Variants in SLC2A13 observed in about 807,000 individuals in gnomAD.
SLC2A13 encodes the protein proton myo-inositol cotransporter.
A neutral mutation model predicts 64.4 loss-of-function variants in SLC2A13; 32 were observed. The ratio of observed to expected loss-of-function variants is 0.50; its 90% CI spans 0.37 to 0.67. The LOEUF (loss-of-function observed/expected upper bound fraction) is 0.67. Ranked by LOEUF, SLC2A13 falls within the 30% of genes least tolerant of loss-of-function variation. The probability of loss-of-function intolerance (pLI) is 0.00; values close to 1 mark genes in which losing one functional copy is unlikely to be tolerated. For missense variants in SLC2A13, 743 were observed against 829.2 expected (o/e 0.90, Z 1.28); for synonymous variants, 338 against 327.1 (o/e 1.03, Z -0.36).
intron 3 of SLC2A13, among the ~76,000 whole-genome samples, chr12:40,027,965 A>C (rs1947843955): frequency 6.6e-6 from 1 of 152,222 alleles, no homozygotes; most frequent in Non-Finnish European, 1.5e-5. Flanking sequence ...TTTAATGGAA[A>C]GAGGGAAACA....
intron 7 of SLC2A13, among the ~76,000 whole-genome samples, chr12:39,802,749 A>G (rs1195908748): frequency 6.6e-6 from 1 of 152,208 alleles, no homozygotes; most frequent in Non-Finnish European, 1.5e-5. Context: ...AAAGATAGAT[A>G]TGAATATGTA....
chr12:40,081,175 C>A (rs1301323476), intron 1 of SLC2A13, among the ~76,000 whole-genome samples: 2 of 152,146 alleles, frequency 1.3e-5, no homozygotes, highest in Non-Finnish European at 2.9e-5. Flanking sequence ...TGATGACTAT[C>A]TATCTTCAAG....
At chr12:39,959,727 G>GA (rs1397717280) in intron 3 of SLC2A13, among the ~76,000 whole-genome samples, 1 of 151,940 alleles carries the variant, frequency 6.6e-6, no homozygotes, top group Non-Finnish European at 1.5e-5. Flanking sequence ...TGTTGCTGAG[G>GA]AAAAAATTAC....
intron 1 of SLC2A13, among the ~76,000 whole-genome samples, chr12:40,092,129 G>C (rs1272290064): frequency 6.6e-6 from 1 of 152,090 alleles, no homozygotes; most frequent in Non-Finnish European, 1.5e-5. Context: ...GTCTGTCTGG[G>C]GTGGCAAGAA....
At chr12:40,088,578 G>A (rs1042216913) in intron 1 of SLC2A13, among the ~76,000 whole-genome samples, 20 of 152,128 alleles carry the variant, frequency 1.3e-4, no homozygotes, top group Admixed American at 6.6e-5. Flanking sequence ...GAAAAGCTAG[G>A]GGTCTTGTCT....
chr12:39,896,494 A>G (rs1055110226), intron 4 of SLC2A13, among the ~76,000 whole-genome samples: 1 of 147,986 alleles, frequency 6.8e-6, no homozygotes, highest in Non-Finnish European at 1.5e-5. Context: ...ATATATGTAC[A>G]CATATATGTA....
chr12:39,971,617 C>A (rs774230395), intron 3 of SLC2A13, among the ~76,000 whole-genome samples: 4 of 152,032 alleles, frequency 2.6e-5, no homozygotes, highest in Admixed American at 6.6e-5. Flanking sequence ...CCTTCTGACA[C>A]ACTCTATAAC....
intron 4 of SLC2A13, among the ~76,000 whole-genome samples, chr12:39,900,964 C>T (rs1945082759): frequency 6.6e-6 from 1 of 152,142 alleles, no homozygotes; most frequent in South Asian, 2.1e-4. Flanking sequence ...GTAACCAAAA[C>T]AGCATGGTAC....
intron 6 of SLC2A13, among the ~76,000 whole-genome samples, chr12:39,837,963 C>G (rs983374501): frequency 2.0e-5 from 3 of 150,998 alleles, no homozygotes; most frequent in Non-Finnish European, 4.4e-5. Flanking sequence ...ACTAGAAATA[C>G]CATTTGACCC....
intron 4 of SLC2A13, among the ~76,000 whole-genome samples, chr12:39,932,626 A>G (rs1376089072): frequency 6.6e-6 from 1 of 152,202 alleles, no homozygotes; most frequent in East Asian, 1.9e-4. Flanking sequence ...TGACGGGAAA[A>G]AATGGATTGA....
intron 3 of SLC2A13, among the ~76,000 whole-genome samples, chr12:39,963,019 G>A (rs1946441880): frequency 6.6e-6 from 1 of 152,132 alleles, no homozygotes; most frequent in Non-Finnish European, 1.5e-5. Context: ...ATAGCCAATA[G>A]CTCACGCCTG....
At chr12:39,769,216 G>T (rs920437130) in intron 7 of SLC2A13, among the ~76,000 whole-genome samples, 1 of 151,962 alleles carries the variant, frequency 6.6e-6, no homozygotes, top group East Asian at 1.9e-4. Flanking sequence ...ATAAACTTTT[G>T]TCAACTATTG....
intron 1 of SLC2A13, among the ~76,000 whole-genome samples, chr12:40,053,797 CAT>C (rs1459810366): frequency 6.6e-6 from 1 of 152,168 alleles, no homozygotes; most frequent in Non-Finnish European, 1.5e-5. Context: ...CCAATACGCA[CAT>C]GTTAGGCACA....
At chr12:39,783,151 G>C (rs1941058108) in intron 7 of SLC2A13, among the ~76,000 whole-genome samples, 1 of 152,142 alleles carries the variant, frequency 6.6e-6, no homozygotes, top group South Asian at 2.1e-4. Flanking sequence ...ATAGTTTGCT[G>C]AGAATGATGG....
chr12:39,833,992 G>A (rs1029871787), intron 6 of SLC2A13, among the ~76,000 whole-genome samples: 41 of 151,620 alleles, frequency 2.7e-4, no homozygotes, highest in African/African-American at 9.9e-4. Flanking sequence ...CAGAGGCCAA[G>A]AAGAATCTGA....
chr12:40,083,751 G>A (rs1359435583), intron 1 of SLC2A13, among the ~76,000 whole-genome samples: 1 of 152,150 alleles, frequency 6.6e-6, no homozygotes, highest in African/African-American at 2.4e-5. Flanking sequence ...CCCTCCAAAG[G>A]TAAAAGCCAG....
chr12:40,010,397 A>G (rs1947508418), intron 3 of SLC2A13, among the ~76,000 whole-genome samples: 1 of 152,176 alleles, frequency 6.6e-6, no homozygotes, highest in African/African-American at 2.4e-5. Context: ...TATCACCCTA[A>G]AATATATAAA....
chr12:39,915,002 A>C (rs1033023285), intron 4 of SLC2A13, among the ~76,000 whole-genome samples: 1 of 152,084 alleles, frequency 6.6e-6, no homozygotes, highest in African/African-American at 2.4e-5. Flanking sequence ...CAGGAACAAA[A>C]GACTACAAAA....
chr12:40,015,473 A>C (rs892777624), intron 3 of SLC2A13, among the ~76,000 whole-genome samples: 1 of 152,216 alleles, frequency 6.6e-6, no homozygotes, highest in Non-Finnish European at 1.5e-5. Flanking sequence ...AGAGCTTCTC[A>C]GCACAAATTT....
Sources: gnomAD v4.1 joint callset for allele counts (sites outside exome capture counted in the v4.1 genomes callset) on GRCh38, gnomAD v4.1.1 for gene constraint, MANE v1.5 for transcripts, NCBI Gene and HGNC (gene_info 2026-07-23, HGNC 2026-07-21) for gene names.